MYOM2: variants seen among roughly 807,000 people sequenced by gnomAD.
MYOM2 encodes the protein myomesin 2, also known as myomesin-2.
MYOM2 carries 254 observed loss-of-function variants against 187.6 expected under a neutral mutation model. The observed-to-expected ratio is 1.35, with a 90% CI of 1.22 to 1.50. MYOM2 has a LOEUF of 1.50. Among genes scored for constraint, MYOM2 ranks in the 40% most tolerant of loss-of-function variants. The pLI is 0.00. For synonymous variants in MYOM2, 981 were observed against 753.8 expected (o/e 1.30, Z -4.94); for missense variants, 2,796 against 1,924.0 (o/e 1.45, Z -8.48).
At chr8:2,076,464 C>G in intron 11 of MYOM2, 182 bp downstream of exon 11, 1 of 768,938 alleles carries the variant, frequency 1.3e-6, no homozygotes, top group Non-Finnish European at 2.0e-6. Flanking sequence ...GCCAAGTAGG[C>G]TGAGCCCAGC....
At position 2,102,654 on chromosome 8, in the gene MYOM2, C is replaced by G. The variant is rs1436498624; in HGVS notation, c.2620-13C>G. On this transcript the variant is annotated splice_polypyrimidine_tract_variant and intron_variant, in intron 20 of 36. Transcript: ENST00000262113. ...TACCTCCACACATCTGGTGTTTCCT[C>G]TGTTGTTTCAAGGTCTCTGACCTGC... is the stretch of plus-strand genomic sequence containing the variant. 1 of 1,581,164 alleles carries G rather than the reference C, an allele frequency of 6.3e-7. No individual in the cohort carries two copies. The highest frequency in any genetic ancestry group is 1.1e-5 in the South Asian group (1 of 89,608).
chr8:2,087,201 A>G (rs910914919), intron 14 of MYOM2, among the ~76,000 whole-genome samples: 2 of 152,232 alleles, frequency 1.3e-5, no homozygotes, highest in African/African-American at 2.4e-5. Flanking sequence ...GGGTTTTGCG[A>G]TACAAAATTT....
intron 15 of MYOM2, 130 bp from the exon 16 acceptor site, chr8:2,092,216 C>A (rs1453992763): frequency 5.5e-6 from 6 of 1,099,872 alleles, no homozygotes. Flanking sequence ...CTCCTGGACC[C>A]CTTGTCTGAA....
At chr8:2,074,700 C>A (rs1819355320) in intron 10 of MYOM2, among the ~76,000 whole-genome samples, 1 of 152,112 alleles carries the variant, frequency 6.6e-6, no homozygotes, top group Non-Finnish European at 1.5e-5. Context: ...AGTGATTGGC[C>A]CCCCAACTCG....
chr8:2,086,278 A>ACTCCACTGTCATGATCTCTGCGTGG, intron 14 of MYOM2, among the ~76,000 whole-genome samples: 1 of 59,942 alleles, frequency 1.7e-5, no homozygotes, highest in Non-Finnish European at 4.0e-5. Flanking sequence ...GATCTCTGGC[A>ACTCCACTGTCATGATCTCTGCGTGG]CCCCACTGTC....
intron 31 of MYOM2, among the ~76,000 whole-genome samples, chr8:2,124,940 T>C (rs1186984164): frequency 1.3e-5 from 2 of 152,192 alleles, no homozygotes; most frequent in African/African-American, 4.8e-5. Flanking sequence ...ATGGGTTATT[T>C]GTTTTTTTCC....
intron 10 of MYOM2, among the ~76,000 whole-genome samples, chr8:2,074,460 T>C (rs771811703): frequency 2.6e-5 from 4 of 151,966 alleles, no homozygotes; most frequent in South Asian, 2.1e-4. Flanking sequence ...CCTTTTTTTT[T>C]AGTTTTGTTT....
At chr8:2,103,252 G>C (rs1392852441) in intron 21 of MYOM2, among the ~76,000 whole-genome samples, 6 of 144,324 alleles carry the variant, frequency 4.2e-5, no homozygotes, top group Non-Finnish European at 7.7e-5. Context: ...GGATAAATGA[G>C]TGAGAGAGTG....
At chr8:2,064,850 C>T (rs1470682574) in intron 6 of MYOM2, among the ~76,000 whole-genome samples, 1 of 152,204 alleles carries the variant, frequency 6.6e-6, no homozygotes, top group African/African-American at 2.4e-5. Context: ...GGTTTATCCC[C>T]TTCCTGTACC....
intron 31 of MYOM2, among the ~76,000 whole-genome samples, chr8:2,126,045 A>C (rs750114332): frequency 1.3e-5 from 2 of 152,198 alleles, no homozygotes; most frequent in Non-Finnish European, 2.9e-5. Context: ...TTTTGTGTTA[A>C]AATATCTCAT....
chr8:2,076,374 G>A (rs963403552), intron 11 of MYOM2, 92 bp downstream of exon 11: 1 of 1,473,314 alleles, frequency 6.8e-7, no homozygotes. Flanking sequence ...AATGCAGGTT[G>A]ACGTTCCCAT....
intron 1 of MYOM2, among the ~76,000 whole-genome samples, chr8:2,046,939 G>A (rs1818330796): frequency 6.6e-6 from 1 of 152,114 alleles, no homozygotes; most frequent in Non-Finnish European, 1.5e-5. Flanking sequence ...CTGAAGATCA[G>A]AAATCCAGAA....
At position 2,142,504 on chromosome 8, in the gene MYOM2, C is replaced by T. The variant is rs1798307486; in HGVS notation, c.4024+107C>T. On this transcript the variant is annotated intron_variant, in intron 35 of 36. Coordinates refer to ENST00000262113, the MANE Select transcript of MYOM2 (RefSeq NM_003970.4). ...TGTGTATTAAATAATAACCAGCAATCCCCCACCCTGATGTAACAACGCCAC... is the reference window on the plus strand; with the variant it reads ...TGTGTATTAAATAATAACCAGCAATTCCCCACCCTGATGTAACAACGCCAC... The T allele has an allele frequency of 2.2e-5, 25 of 1,124,478 alleles. No homozygotes were observed. The South Asian group carries it at 3.1e-4, about 14-fold the overall frequency. The allele number at this position is 1,124,478 out of a possible 1,614,324, so 69.7% of individuals were successfully genotyped here.
At chr8:2,106,096 C>T in intron 21 of MYOM2, 146 bp from the exon 22 acceptor site, 1 of 767,708 alleles carries the variant, frequency 1.3e-6, no homozygotes, top group Non-Finnish European at 2.1e-6. Flanking sequence ...GTGATCCAAT[C>T]ACCTCACTCC....
intron 6 of MYOM2, among the ~76,000 whole-genome samples, chr8:2,061,048 G>T (rs937120978): frequency 3.9e-4 from 60 of 152,138 alleles, no homozygotes; most frequent in African/African-American, 1.4e-3. Flanking sequence ...TGGGGATGGA[G>T]GGCTGAGGAG....
Position 2,102,464 on chromosome 8 carries a change from C to G in MYOM2, c.2620-203C>G, listed in dbSNP as rs372992801. Among the ~76,000 whole-genome samples the G allele has an allele frequency of 5.3e-4, 80 of 152,298 alleles. 2 individuals are homozygous for G. The South Asian group carries it at 0.016, about 30-fold the overall frequency. Reference sequence around the variant, plus strand: ...GAAAGAGGTTCCATCAGATTGGGAGCGAATGCGTTTATTCCTCCAAAGTCA... The same window carrying G: ...GAAAGAGGTTCCATCAGATTGGGAGGGAATGCGTTTATTCCTCCAAAGTCA... On this transcript the variant is annotated intron_variant, in intron 20 of 36. Coordinates refer to ENST00000262113, the MANE Select transcript of MYOM2 (RefSeq NM_003970.4).
Position 2,059,265 on chromosome 8 carries a change from T to G in MYOM2, c.653+20T>G. The stretch of plus-strand genomic sequence containing the variant: ...CAACAGGTATGGCTGTGGTGGGGGC[T>G]CTGGACGCTGGCGTCCAGTAATCAG... On this transcript the variant is annotated intron_variant, in intron 6 of 36. Transcript: ENST00000262113. The G allele has an allele frequency of 6.2e-7, 1 of 1,609,188 alleles. No homozygotes were observed. The highest frequency in any genetic ancestry group is 1.1e-5 in the South Asian group (1 of 90,838).
chr8:2,072,529 G>C lies in MYOM2; in HGVS notation c.958+20G>C, dbSNP rs775960360. ...GCGATGGTGAGTAGGACACGGCCCAGACCCGGGCACACACCAGGAGGCTTT... is the reference window on the plus strand; with the variant it reads ...GCGATGGTGAGTAGGACACGGCCCACACCCGGGCACACACCAGGAGGCTTT... On this transcript the variant is annotated intron_variant, in intron 9 of 36. Transcript: ENST00000262113. 5.6e-6 allele frequency: 9 copies of C among 1,606,302 alleles called. No individual in the cohort carries two copies. In the South Asian group the frequency reaches 9.9e-5, roughly 18 times the overall value.
At chr8:2,045,475 GC>G (rs747954612) in intron 1 of MYOM2, among the ~76,000 whole-genome samples, 4 of 152,190 alleles carry the variant, frequency 2.6e-5, no homozygotes, top group Non-Finnish European at 5.9e-5. Context: ...GCCCCAGGGG[GC>G]CCCCCAGTCA....
Sources: gnomAD v4.1 joint callset for allele counts (sites outside exome capture counted in the v4.1 genomes callset) on GRCh38, gnomAD v4.1.1 for gene constraint, MANE v1.5 for transcripts, NCBI Gene and HGNC (gene_info 2026-07-23, HGNC 2026-07-21) for gene names.